The following DIRAS2 variants were observed in gnomAD, a reference collection of about 807,000 sequenced individuals.
DIRAS2 encodes the protein GTP-binding protein Di-Ras2.
Under a neutral mutation model 13.9 loss-of-function variants are expected in DIRAS2, and 5 were observed. The ratio of observed to expected loss-of-function variants is 0.36; its 90% CI spans 0.19 to 0.76. The LOEUF (loss-of-function observed/expected upper bound fraction) is 0.76. Among genes scored for constraint, DIRAS2 ranks in the 30% least tolerant of loss-of-function variants. The pLI is 0.53. For synonymous variants in DIRAS2, 111 were observed against 105.4 expected (o/e 1.05, Z -0.33); for missense variants, 191 against 263.0 (o/e 0.73, Z 1.89).
chr9:90,628,894 G>T (rs1190880317), intron 1 of DIRAS2, among the ~76,000 whole-genome samples: 2 of 150,530 alleles, frequency 1.3e-5, no homozygotes, highest in Non-Finnish European at 3.0e-5. Flanking sequence ...TCGTTCTGTC[G>T]CCCAGGCTGG....
chr9:90,617,241 A>G (rs1344597784), intron 1 of DIRAS2, among the ~76,000 whole-genome samples: 1 of 152,218 alleles, frequency 6.6e-6, no homozygotes, highest in East Asian at 1.9e-4. Context: ...ACAGTAAACA[A>G]CAAGGAGAAA....
rs1825109514 is a variant in DIRAS2, at chr9:90,611,173, A to T, written c.*2055T>A. On this transcript the variant is annotated 3_prime_UTR_variant, in exon 2 of 2. Transcript: ENST00000375765. ...AAAAAAATGTCGGGACAAGTTGAAA[A>T]ACAAATGTTCCAGAAAATCCGCCAA... 1 of 152,238 alleles carries T rather than the reference A, an allele frequency of 6.6e-6. No homozygotes were observed. The highest frequency in any genetic ancestry group is 1.5e-5 in the Non-Finnish European group (1 of 68,046). 9.4% of individuals were successfully genotyped at this position (152,238 alleles called of 1,614,324 possible).
intron 1 of DIRAS2, among the ~76,000 whole-genome samples, chr9:90,615,052 C>T (rs1012823121): frequency 1.3e-5 from 2 of 152,176 alleles, no homozygotes; most frequent in African/African-American, 2.4e-5. Flanking sequence ...GGAATTCATT[C>T]TTCTCAGCAA....
At chr9:90,623,914 G>T (rs530087199) in intron 1 of DIRAS2, among the ~76,000 whole-genome samples, 50 of 152,322 alleles carry the variant, frequency 3.3e-4, no homozygotes, top group Non-Finnish European at 6.6e-4. Flanking sequence ...TAGATTGGAA[G>T]AATTCGGATC....
chr9:90,640,101 T>C (rs1184753068), intron 1 of DIRAS2, among the ~76,000 whole-genome samples: 1 of 152,240 alleles, frequency 6.6e-6, no homozygotes, highest in Non-Finnish European at 1.5e-5. Flanking sequence ...ATCTAAATGG[T>C]CATTTTTTAT....
Position 90,613,969 on chromosome 9 carries a change from C to T in DIRAS2, c.-36-106G>A. ...ATAGCTTAAAAATGGGAGGTGATAA[C>T]ATTTAAAATAGCGACAATTCTAAAT... On this transcript the variant is annotated intron_variant, in intron 1 of 1. Coordinates refer to ENST00000375765, the MANE Select transcript of DIRAS2 (RefSeq NM_017594.5). This position sits in a 1 kb window ranked among gnomAD's most constrained non-coding sequence, Gnocchi z 5.6. The T allele has an allele frequency of 8.9e-7, 1 of 1,120,120 alleles. No homozygotes were observed. The highest frequency in any genetic ancestry group is 1.8e-5 in the South Asian group (1 of 54,090). 69.4% of individuals were successfully genotyped at this position (1,120,120 alleles called of 1,614,324 possible).
intron 1 of DIRAS2, among the ~76,000 whole-genome samples, chr9:90,616,927 G>C (rs2118543607): frequency 6.6e-6 from 1 of 152,252 alleles, no homozygotes; most frequent in African/African-American, 2.4e-5. Flanking sequence ...CAGATGCTGT[G>C]ATCTAGTTAT....
At chr9:90,623,414 T>C (rs1825237911) in intron 1 of DIRAS2, among the ~76,000 whole-genome samples, 2 of 152,058 alleles carry the variant, frequency 1.3e-5, no homozygotes, top group Non-Finnish European at 2.9e-5. Flanking sequence ...GTCTCAACAC[T>C]CCCTTATACT....
At chr9:90,632,913 C>A (rs991998447) in intron 1 of DIRAS2, among the ~76,000 whole-genome samples, 2 of 152,218 alleles carry the variant, frequency 1.3e-5, no homozygotes, top group Non-Finnish European at 1.5e-5. Context: ...GCAGAACATG[C>A]GGCTATTTCA....
rs1825431154 is a variant in DIRAS2 at position 90,642,822 on chromosome 9, TG to T, written c.-108del. On this transcript the variant is annotated 5_prime_UTR_variant, in exon 1 of 2. Transcript: ENST00000375765. ...TCGCGCAGGACAGGGCAGCGCAGGG[TG>T]TGTGGATGCGGCTCCTCCCGGAGGC... The T allele has an allele frequency of 6.6e-6, 1 of 152,280 alleles. No homozygotes were observed. The highest frequency in any genetic ancestry group is 2.4e-5 in the African/African-American group (1 of 41,450). The allele number at this position is 152,280 out of a possible 1,614,324, so 9.4% of individuals were successfully genotyped here.
Position 90,642,737 on chromosome 9 carries a change from G to A in DIRAS2, c.-37+15C>T, listed in dbSNP as rs1364262011. On this transcript the variant is annotated intron_variant, in intron 1 of 1. Transcript: ENST00000375765. ...GGACGCAGCGAAGCCACGGCAGAAGGGGGAAATCGGTTACCTGGGGAAGAA... is the reference window on the plus strand; with the variant it reads ...GGACGCAGCGAAGCCACGGCAGAAGAGGGAAATCGGTTACCTGGGGAAGAA... 2 of 152,774 alleles carry A rather than the reference G, an allele frequency of 1.3e-5. No individual in the cohort carries two copies. Among genetic ancestry groups the A allele is most frequent in the African/African-American group, 4.8e-5 (2 of 41,480 alleles). The allele number at this position is 152,774 out of a possible 1,614,324, so 9.5% of individuals were successfully genotyped here.
In DIRAS2 at chr9:90,613,213, C is replaced by T. The variant is rs1343999926; in HGVS notation, c.*15G>A. 7 of 1,599,886 alleles carry T rather than the reference C, an allele frequency of 4.4e-6. No individual in the cohort carries two copies. The highest frequency in any genetic ancestry group is 5.1e-6 in the Non-Finnish European group (6 of 1,172,130). ...TGCCGGGGACACACAGCTGCTCCTC[C>T]CGCAGGAAGGGCCTTCACATGATCA... On this transcript the variant is annotated 3_prime_UTR_variant, in exon 2 of 2. Transcript: ENST00000375765. This position sits in a 1 kb window ranked among gnomAD's most constrained non-coding sequence, Gnocchi z 5.6.
At chr9:90,627,350 T>C (rs537215518) in intron 1 of DIRAS2, among the ~76,000 whole-genome samples, 1 of 152,192 alleles carries the variant, frequency 6.6e-6, no homozygotes, top group Non-Finnish European at 1.5e-5. Context: ...CAGCCTTAAA[T>C]GGGAAGAAAA....
chr9:90,634,040 T>C (rs1037795991), intron 1 of DIRAS2, among the ~76,000 whole-genome samples: 1 of 152,190 alleles, frequency 6.6e-6, no homozygotes, highest in African/African-American at 2.4e-5. Flanking sequence ...ACAGCTGAAT[T>C]TACTAGCAAG....
chr9:90,619,945 C>A (rs1258535161), intron 1 of DIRAS2, among the ~76,000 whole-genome samples: 1 of 152,080 alleles, frequency 6.6e-6, no homozygotes, highest in Non-Finnish European at 1.5e-5. Flanking sequence ...TAGCAAAAGA[C>A]CACACATACT....
chr9:90,633,950 C>T (rs1293183732), intron 1 of DIRAS2, among the ~76,000 whole-genome samples: 1 of 152,200 alleles, frequency 6.6e-6, no homozygotes, highest in African/African-American at 2.4e-5. Flanking sequence ...ACATGGTACA[C>T]AGTTTTGATT....
At chr9:90,636,445 T>G (rs993186180) in intron 1 of DIRAS2, among the ~76,000 whole-genome samples, 1 of 152,206 alleles carries the variant, frequency 6.6e-6, no homozygotes, top group African/African-American at 2.4e-5. Context: ...ACCAAAAAGT[T>G]ACCATGCAAA....
chr9:90,641,000 A>T (rs1825413992), intron 1 of DIRAS2, among the ~76,000 whole-genome samples: 1 of 152,134 alleles, frequency 6.6e-6, no homozygotes, highest in South Asian at 2.1e-4. Context: ...AAAGGTTTTA[A>T]TTTTTCAGTA....
intron 1 of DIRAS2, among the ~76,000 whole-genome samples, chr9:90,631,669 C>T (rs919620027): frequency 3.3e-5 from 5 of 152,124 alleles, no homozygotes; most frequent in African/African-American, 1.2e-4. Flanking sequence ...TGCTACTCTA[C>T]TCACTCAGTC....
Sources: gnomAD v4.1 joint callset for allele counts (sites outside exome capture counted in the v4.1 genomes callset) on GRCh38, gnomAD v4.1.1 for gene constraint, Gnocchi (gnomAD v3.1) non-coding constraint, MANE v1.5 for transcripts, NCBI Gene and HGNC (gene_info 2026-07-23, HGNC 2026-07-21) for gene names.